GABRB1: variants seen among roughly 807,000 people sequenced by gnomAD.
GABRB1 encodes the protein gamma-aminobutyric acid receptor subunit beta-1.
In GABRB1, 17 loss-of-function variants were observed where a neutral mutation model predicts 51.6. That is an observed-to-expected ratio of 0.33 (90% confidence interval 0.23 to 0.49). The LOEUF (loss-of-function observed/expected upper bound fraction) is 0.49. GABRB1 is among the 20% of genes least tolerant of loss of function. GABRB1 has a pLI of 0.99. For missense variants in GABRB1, 410 were observed against 600.6 expected (o/e 0.68, Z 3.32); for synonymous variants, 247 against 218.9 (o/e 1.13, Z -1.14).
chr4:47,066,555 G>A (rs1240885133), intron 3 of GABRB1, among the ~76,000 whole-genome samples: 1 of 152,098 alleles, frequency 6.6e-6, no homozygotes, highest in Non-Finnish European at 1.5e-5. Flanking sequence ...TTCCACAATG[G>A]TCACAGCGTT....
At chr4:47,116,723 T>TTAGTCCATTCTTGCATCTTTATA (rs1715498933) in intron 3 of GABRB1, among the ~76,000 whole-genome samples, 1 of 152,206 alleles carries the variant, frequency 6.6e-6, no homozygotes, top group East Asian at 1.9e-4. Flanking sequence ...GGCAAGTGTA[T>TTAGTCCATTCTTGCATCTTTATA]TAGTCCATTC....
intron 4 of GABRB1, among the ~76,000 whole-genome samples, chr4:47,288,269 A>ATTATTATTG (rs1422089311): frequency 1.4e-5 from 2 of 143,158 alleles, no homozygotes; most frequent in Non-Finnish European, 3.1e-5. Context: ...TATTATTATT[A>ATTATTATTG]TTGTTATTAT....
intron 5 of GABRB1, among the ~76,000 whole-genome samples, chr4:47,383,659 G>T (rs1412120057): frequency 1.3e-5 from 2 of 152,010 alleles, no homozygotes; most frequent in Non-Finnish European, 2.9e-5. Context: ...ATAGATTTTT[G>T]TTCATTAATA....
intron 3 of GABRB1, among the ~76,000 whole-genome samples, chr4:47,046,608 T>A (rs900129718): frequency 1.3e-5 from 2 of 152,004 alleles, no homozygotes; most frequent in Admixed American, 1.3e-4. Context: ...TCTCATGACA[T>A]AGCAGAGAAA....
intron 5 of GABRB1, among the ~76,000 whole-genome samples, chr4:47,356,297 C>T (rs1726573600): frequency 6.6e-6 from 1 of 152,116 alleles, no homozygotes; most frequent in Non-Finnish European, 1.5e-5. Flanking sequence ...AGCAAATAGA[C>T]ATATATTGTT....
intron 5 of GABRB1, among the ~76,000 whole-genome samples, chr4:47,333,798 G>C (rs1381487947): frequency 6.6e-6 from 1 of 151,792 alleles, no homozygotes; most frequent in Non-Finnish European, 1.5e-5. Context: ...AATTATATAA[G>C]AATAATTTCT....
chr4:47,124,295 T>G (rs1236272438), intron 3 of GABRB1, among the ~76,000 whole-genome samples: 1 of 152,120 alleles, frequency 6.6e-6, no homozygotes. Context: ...TGGCAACAAC[T>G]GCGTGACCTG....
chr4:47,021,104 C>A (rs1332265865), intron 1 of GABRB1, among the ~76,000 whole-genome samples: 2 of 151,956 alleles, frequency 1.3e-5, no homozygotes, highest in African/African-American at 4.8e-5. Context: ...TTTCAACAAA[C>A]AAAACCCTCC....
At chr4:47,218,644 G>A (rs974595603) in intron 4 of GABRB1, among the ~76,000 whole-genome samples, 5 of 151,896 alleles carry the variant, frequency 3.3e-5, no homozygotes, top group Admixed American at 6.6e-5. Context: ...TTTGAGAAAT[G>A]TCTATTCAGA....
At chr4:47,115,611 T>C (rs967100109) in intron 3 of GABRB1, among the ~76,000 whole-genome samples, 1 of 152,074 alleles carries the variant, frequency 6.6e-6, no homozygotes. Flanking sequence ...CTAGGAAATA[T>C]CCTTAGTAAA....
At chr4:47,063,506 A>G (rs998714432) in intron 3 of GABRB1, among the ~76,000 whole-genome samples, 2 of 152,166 alleles carry the variant, frequency 1.3e-5, no homozygotes, top group African/African-American at 4.8e-5. Flanking sequence ...AACCACATAA[A>G]TATATCCCAC....
intron 5 of GABRB1, among the ~76,000 whole-genome samples, chr4:47,324,262 A>C (rs535853546): frequency 3.0e-4 from 45 of 152,162 alleles, no homozygotes; most frequent in African/African-American, 1.1e-3. Context: ...ATGTGTTTCT[A>C]TTCCTTTCTT....
At chr4:47,135,253 T>C (rs1307393176) in intron 3 of GABRB1, among the ~76,000 whole-genome samples, 1 of 152,204 alleles carries the variant, frequency 6.6e-6, no homozygotes, top group Non-Finnish European at 1.5e-5. Context: ...TTGAGTTTCA[T>C]TTTATTTTGG....
intron 8 of GABRB1, among the ~76,000 whole-genome samples, chr4:47,421,551 GA>G (rs1285140768): frequency 2.0e-5 from 3 of 152,042 alleles, no homozygotes; most frequent in Admixed American, 1.3e-4. Flanking sequence ...ATTACCTAAT[GA>G]AAACCTTCCA....
At chr4:46,996,799 T>C (rs1724014203) in intron 1 of GABRB1, among the ~76,000 whole-genome samples, 1 of 152,152 alleles carries the variant, frequency 6.6e-6, no homozygotes, top group South Asian at 2.1e-4. Context: ...AAGAGCTTGG[T>C]ATGCAAAATA....
At chr4:47,197,048 A>G (rs1293224756) in intron 4 of GABRB1, among the ~76,000 whole-genome samples, 1 of 152,234 alleles carries the variant, frequency 6.6e-6, no homozygotes, top group Non-Finnish European at 1.5e-5. Flanking sequence ...CAGTAGCAGA[A>G]GCAGAATTAG....
intron 5 of GABRB1, among the ~76,000 whole-genome samples, chr4:47,376,612 A>C (rs1727390388): frequency 6.6e-6 from 1 of 152,190 alleles, no homozygotes; most frequent in African/African-American, 2.4e-5. Flanking sequence ...GCACCACTGC[A>C]CTCCAGCCTG....
At chr4:46,994,978 G>A (rs909795193) in intron 1 of GABRB1, among the ~76,000 whole-genome samples, 3 of 152,182 alleles carry the variant, frequency 2.0e-5, no homozygotes, top group African/African-American at 7.2e-5. Flanking sequence ...ATCGTGGGCA[G>A]TAGCTAGAGC....
At chr4:47,053,980 A>G (rs1726471553) in intron 3 of GABRB1, among the ~76,000 whole-genome samples, 1 of 152,134 alleles carries the variant, frequency 6.6e-6, no homozygotes, top group Non-Finnish European at 1.5e-5. Flanking sequence ...TACCAGGATC[A>G]CATTTTATAT....
Sources: gnomAD v4.1 joint callset for allele counts (sites outside exome capture counted in the v4.1 genomes callset) on GRCh38, gnomAD v4.1.1 for gene constraint, MANE v1.5 for transcripts, NCBI Gene and HGNC (gene_info 2026-07-23, HGNC 2026-07-21) for gene names.